FAM174A: variants seen among roughly 807,000 people sequenced by gnomAD.
FAM174A encodes membrane protein FAM174A.
A neutral mutation model predicts 14.3 loss-of-function variants in FAM174A; 14 were observed. The ratio of observed to expected loss-of-function variants is 0.98; its 90% CI spans 0.65 to 1.53. The LOEUF is 1.53. Among genes scored for constraint, FAM174A ranks in the 40% most tolerant of loss-of-function variants. The probability of loss-of-function intolerance (pLI) is 0.00; values close to 1 mark genes in which losing one functional copy is unlikely to be tolerated. For synonymous variants in FAM174A, 108 were observed against 111.4 expected, an observed-to-expected ratio of 0.97 and a Z score of 0.19; for missense variants, 241 against 249.6, an observed-to-expected ratio of 0.97 and a Z score of 0.23.
At chr5:100,546,056 A>G (rs1000034987) in intron 1 of FAM174A, among the ~76,000 whole-genome samples, 3 of 152,232 alleles carry the variant, frequency 2.0e-5, no homozygotes, top group Non-Finnish European at 4.4e-5. Flanking sequence ...GGATAGTACA[A>G]GCTACAGTTG....
chr5:100,585,014 G>A (rs372045981), intron 2 of FAM174A, among the ~76,000 whole-genome samples: 4 of 152,106 alleles, frequency 2.6e-5, no homozygotes, highest in South Asian at 4.1e-4. Context: ...GAAACTATGC[G>A]AGAATCATGA....
intron 1 of FAM174A, among the ~76,000 whole-genome samples, chr5:100,541,369 T>C (rs1245111251): frequency 6.6e-6 from 1 of 152,166 alleles, no homozygotes; most frequent in Non-Finnish European, 1.5e-5. Context: ...ACAAAAACTA[T>C]TATATTTTTG....
rs142103175 is a variant in FAM174A at position 100,548,054 on chromosome 5, T to C, written c.434+12090T>C. Among the ~76,000 whole-genome samples the C allele has an allele frequency of 6.1e-3, 936 of 152,226 alleles. 7 individuals carry two copies. The highest frequency in any genetic ancestry group is 0.021 in the African/African-American group (884 of 41,562). On this transcript the variant is annotated intron_variant, in intron 1 of 2. Coordinates refer to ENST00000312637, the MANE Select transcript of FAM174A (RefSeq NM_198507.3). ...TTCTGTATGCTTTTGTTTTGTTTTA[T>C]AATCAGGGAGAAAAATCTTTCCTGG...
intron 1 of FAM174A, among the ~76,000 whole-genome samples, chr5:100,555,944 T>C (rs1746369044): frequency 1.3e-5 from 2 of 151,382 alleles, no homozygotes; most frequent in South Asian, 4.2e-4. Flanking sequence ...CTCTTTAGTT[T>C]AATTGGATCC....
At chr5:100,558,301 T>G (rs371192456) in intron 1 of FAM174A, among the ~76,000 whole-genome samples, 2 of 152,024 alleles carry the variant, frequency 1.3e-5, no homozygotes, top group African/African-American at 2.4e-5. Context: ...TGGTCTGAGA[T>G]ACAGTTTGTT....
At chr5:100,550,526 A>G (rs968271706) in intron 1 of FAM174A, among the ~76,000 whole-genome samples, 3 of 152,174 alleles carry the variant, frequency 2.0e-5, no homozygotes, top group Non-Finnish European at 4.4e-5. Flanking sequence ...TCAGGCATCA[A>G]CTTTATGACA....
At chr5:100,568,322 C>T (rs1399218206) in intron 2 of FAM174A, among the ~76,000 whole-genome samples, 1 of 151,846 alleles carries the variant, frequency 6.6e-6, no homozygotes, top group Non-Finnish European at 1.5e-5. Flanking sequence ...GTTCTAGACT[C>T]TTTTGGATTC....
chr5:100,564,324 G>A (rs1448785764), intron 2 of FAM174A, among the ~76,000 whole-genome samples: 4 of 147,698 alleles, frequency 2.7e-5, no homozygotes, highest in Admixed American at 7.1e-5. Flanking sequence ...AATTTTAAGA[G>A]CTATTTTGAG....
At chr5:100,555,879 C>A (rs1466612932) in intron 1 of FAM174A, among the ~76,000 whole-genome samples, 1 of 151,950 alleles carries the variant, frequency 6.6e-6, no homozygotes, top group Admixed American at 6.6e-5. Context: ...AAATTTTCTC[C>A]CATTCTATAG....
intron 1 of FAM174A, among the ~76,000 whole-genome samples, chr5:100,546,441 G>A (rs1369272140): frequency 2.6e-5 from 4 of 152,138 alleles, no homozygotes; most frequent in Non-Finnish European, 5.9e-5. Flanking sequence ...TCTACCGTAT[G>A]AAGTGATAGA....
At chr5:100,585,448 C>G (rs972270547) in intron 2 of FAM174A, among the ~76,000 whole-genome samples, 3 of 152,126 alleles carry the variant, frequency 2.0e-5, no homozygotes, top group Non-Finnish European at 2.9e-5. Context: ...GAGTCCTGCT[C>G]TGTTGCCCAG....
At chr5:100,557,775 G>A (rs909532479) in intron 1 of FAM174A, among the ~76,000 whole-genome samples, 2 of 152,092 alleles carry the variant, frequency 1.3e-5, no homozygotes, top group Admixed American at 6.6e-5. Context: ...CATGGGATCG[G>A]TGGTCATATC....
intron 2 of FAM174A, among the ~76,000 whole-genome samples, chr5:100,585,376 T>C (rs1450043223): frequency 2.0e-5 from 3 of 152,206 alleles, no homozygotes; most frequent in Non-Finnish European, 4.4e-5. Context: ...ACATTTATTT[T>C]ATCCATTCAT....
intron 2 of FAM174A, among the ~76,000 whole-genome samples, chr5:100,583,740 C>G (rs972672089): frequency 3.9e-5 from 6 of 152,098 alleles, no homozygotes; most frequent in African/African-American, 1.4e-4. Context: ...ACAGTTTCCT[C>G]CAGCAGAACT....
In FAM174A at chr5:100,535,809, G is replaced by T; in HGVS notation, c.279G>T (p.Thr93=). The T allele has an allele frequency of 6.2e-7, 1 of 1,609,828 alleles. No individual in the cohort carries two copies. The change falls in exon 1 of 3, where the codon ACG becomes ACT. Residue 93 remains threonine (T), a synonymous_variant. Coordinates refer to ENST00000312637, the MANE Select transcript of FAM174A (RefSeq NM_198507.3). ...NGSNPVAGLE[T]DDHGGKAGEG... ...GCAACCCTGTGGCCGGGCTTGAGAC[G>T]GACGATCACGGAGGGAAGGCCGGGG...
rs1745916208 is a variant in FAM174A at position 100,535,390 on chromosome 5, G to C, written c.-141G>C. On this transcript the variant is annotated 5_prime_UTR_variant, in exon 1 of 3. Transcript: ENST00000312637. The stretch of plus-strand genomic sequence containing the variant: ...TCTCCGGGCAGCTGCCACTGCTGTA[G>C]CTTCTGCCACCTGCCACGACCGGGC... 1 of 878,010 alleles carries C rather than the reference G, an allele frequency of 1.1e-6. No homozygotes were observed. Among genetic ancestry groups the C allele is most frequent in the African/African-American group, 1.7e-5 (1 of 59,484 alleles). 54.4% of individuals were successfully genotyped at this position (878,010 alleles called of 1,614,324 possible).
At chr5:100,580,509 G>A (rs1746990225) in intron 2 of FAM174A, among the ~76,000 whole-genome samples, 1 of 152,184 alleles carries the variant, frequency 6.6e-6, no homozygotes, top group Non-Finnish European at 1.5e-5. Context: ...GAAGCATCCA[G>A]CACAGGAGAA....
At chr5:100,577,149 T>G (rs956218805) in intron 2 of FAM174A, among the ~76,000 whole-genome samples, 1 of 152,180 alleles carries the variant, frequency 6.6e-6, no homozygotes, top group Admixed American at 6.5e-5. Context: ...CATTGTATGC[T>G]TGTATCAAGA....
chr5:100,564,148 T>C (rs1164751317), intron 2 of FAM174A, among the ~76,000 whole-genome samples: 2 of 151,858 alleles, frequency 1.3e-5, no homozygotes, highest in Non-Finnish European at 2.9e-5. Flanking sequence ...GCCAAGCAGA[T>C]GTCAGCACCA....
Sources: allele counts gnomAD v4.1 joint callset (sites outside exome capture counted in the v4.1 genomes callset), GRCh38; gene constraint gnomAD v4.1.1; transcripts MANE v1.5; gene names NCBI Gene and HGNC (gene_info 2026-07-23, HGNC 2026-07-21).